Variants in RNGTT observed in about 807,000 individuals in gnomAD.
RNGTT encodes mRNA-capping enzyme.
In RNGTT, 33 loss-of-function variants were observed where a neutral mutation model predicts 79.3. The observed-to-expected ratio is 0.42, with a 90% CI of 0.32 to 0.56. The LOEUF (loss-of-function observed/expected upper bound fraction) is 0.56. Among genes scored for constraint, RNGTT ranks in the 20% least tolerant of loss-of-function variants. The pLI is 0.17. For synonymous variants in RNGTT, 222 were observed against 235.9 expected (o/e 0.94, Z 0.54); for missense variants, 497 against 739.1 (o/e 0.67, Z 3.80).
At chr6:88,791,501 T>C (rs1335294772) in intron 12 of RNGTT, among the ~76,000 whole-genome samples, 2 of 152,188 alleles carry the variant, frequency 1.3e-5, no homozygotes, top group Non-Finnish European at 2.9e-5. Context: ...ACTAATACAG[T>C]AACTAGCTAG....
chr6:88,647,291 T>C (rs1298757548), intron 14 of RNGTT, among the ~76,000 whole-genome samples: 1 of 152,156 alleles, frequency 6.6e-6, no homozygotes, highest in Non-Finnish European at 1.5e-5. Context: ...ATTATTTATT[T>C]TCAACACAAA....
intron 4 of RNGTT, 26 bp from the exon 5 acceptor site, chr6:88,906,466 A>C: frequency 6.8e-7 from 1 of 1,462,238 alleles, no homozygotes; most frequent in South Asian, 1.3e-5. Context: ...GCTTTGGTTA[A>C]AATTAACAAA....
At chr6:88,634,405 T>C (rs959579057) in intron 14 of RNGTT, among the ~76,000 whole-genome samples, 3 of 152,114 alleles carry the variant, frequency 2.0e-5, no homozygotes, top group African/African-American at 4.8e-5. Context: ...ATAATAATTT[T>C]CCACCAAATC....
intron 11 of RNGTT, among the ~76,000 whole-genome samples, chr6:88,828,015 A>C (rs1412162633): frequency 1.3e-5 from 2 of 152,146 alleles, no homozygotes. Context: ...AGAGCAGCGG[A>C]TCTCCAGCAC....
rs796776269 is a variant in RNGTT at position 88,787,668 on chromosome 6, A to C, written c.1338+13896T>G. Among the ~76,000 whole-genome samples the C allele has an allele frequency of 5.8e-4, 66 of 113,284 alleles. 1 individual carries two copies. Among genetic ancestry groups the C allele is most frequent in the African/African-American group, 1.5e-3 (47 of 31,276 alleles). 74.3% of individuals were successfully genotyped at this position (113,284 alleles called of 152,430 possible). A position where few individuals can be genotyped will look rare whatever the true frequency, so the allele number is the denominator to read the frequency against. ...GAGTGAAACTTCATTTCAAAAACAAAAAAAAAAAAGGAGTGAAGAAAAGAT... is the reference window on the plus strand; with the variant it reads ...GAGTGAAACTTCATTTCAAAAACAACAAAAAAAAAGGAGTGAAGAAAAGAT... On this transcript the variant is annotated intron_variant, in intron 12 of 15. Coordinates refer to ENST00000369485, the MANE Select transcript of RNGTT (RefSeq NM_003800.5).
chr6:88,756,207 G>C (rs951357550), intron 13 of RNGTT, among the ~76,000 whole-genome samples: 3 of 152,010 alleles, frequency 2.0e-5, no homozygotes, highest in Non-Finnish European at 4.4e-5. Context: ...GGGCTTGGTG[G>C]CTCATGTCTG....
intron 11 of RNGTT, among the ~76,000 whole-genome samples, chr6:88,812,807 G>GT (rs1249486187): frequency 5.3e-5 from 8 of 152,074 alleles, no homozygotes; most frequent in African/African-American, 1.2e-4. Flanking sequence ...ACATAAAATA[G>GT]TTTTTTTACC....
At chr6:88,765,157 A>T (rs1387933544) in intron 13 of RNGTT, among the ~76,000 whole-genome samples, 2 of 149,946 alleles carry the variant, frequency 1.3e-5, no homozygotes, top group Non-Finnish European at 3.0e-5. Context: ...CCACCACTGC[A>T]CTCCAGCCTG....
intron 4 of RNGTT, among the ~76,000 whole-genome samples, chr6:88,927,146 T>C (rs1434577311): frequency 1.3e-5 from 2 of 152,222 alleles, no homozygotes; most frequent in Admixed American, 6.5e-5. Flanking sequence ...AAACAGTAGA[T>C]ATATGAATTT....
chr6:88,953,340 TTAA>T (rs1785320155), intron 1 of RNGTT, among the ~76,000 whole-genome samples: 2 of 152,006 alleles, frequency 1.3e-5, no homozygotes, highest in African/African-American at 2.4e-5. Flanking sequence ...CTGGAAAATT[TTAA>T]TAATAGACTA....
At chr6:88,742,013 C>A (rs1582406216) in intron 13 of RNGTT, among the ~76,000 whole-genome samples, 1 of 152,148 alleles carries the variant, frequency 6.6e-6, no homozygotes, top group East Asian at 1.9e-4. Context: ...CTGAAACATA[C>A]ATACTTCATT....
chr6:88,848,089 G>GT (rs1781544184), intron 10 of RNGTT, among the ~76,000 whole-genome samples: 2 of 147,212 alleles, frequency 1.4e-5, no homozygotes, highest in South Asian at 4.2e-4. Flanking sequence ...TTCCAAACAA[G>GT]TAAAAAAAAA....
At chr6:88,824,332 T>G (rs1426137904) in intron 11 of RNGTT, among the ~76,000 whole-genome samples, 2 of 152,212 alleles carry the variant, frequency 1.3e-5, no homozygotes, top group Non-Finnish European at 2.9e-5. Context: ...CGTAGGCAAC[T>G]CTAACACACT....
At chr6:88,613,915 T>G (rs1238706526) in intron 15 of RNGTT, among the ~76,000 whole-genome samples, 1 of 152,246 alleles carries the variant, frequency 6.6e-6, no homozygotes, top group East Asian at 1.9e-4. Flanking sequence ...CCCCTGATAA[T>G]TTTGTCTTTT....
chr6:88,767,348 C>T (rs909193846), intron 13 of RNGTT, among the ~76,000 whole-genome samples: 8 of 151,836 alleles, frequency 5.3e-5, no homozygotes, highest in African/African-American at 1.7e-4. Context: ...AAAGGCAAAA[C>T]TAGGATGACA....
intron 1 of RNGTT, among the ~76,000 whole-genome samples, chr6:88,950,781 A>G (rs1020704481): frequency 2.6e-5 from 4 of 152,166 alleles, no homozygotes; most frequent in Non-Finnish European, 5.9e-5. Context: ...GCAGTGAGCC[A>G]TGATCATGCC....
chr6:88,678,652 T>C (rs1435059545), intron 13 of RNGTT, among the ~76,000 whole-genome samples: 1 of 152,152 alleles, frequency 6.6e-6, no homozygotes, highest in Admixed American at 6.5e-5. Context: ...AGTGTGGTTG[T>C]GTGTGCCTAT....
intron 14 of RNGTT, among the ~76,000 whole-genome samples, chr6:88,670,061 G>C (rs934810990): frequency 1.3e-5 from 2 of 152,236 alleles, no homozygotes; most frequent in African/African-American, 2.4e-5. Flanking sequence ...TATCAAAATA[G>C]ATTGGCCCTA....
At chr6:88,759,001 C>G (rs972674598) in intron 13 of RNGTT, among the ~76,000 whole-genome samples, 13 of 152,108 alleles carry the variant, frequency 8.5e-5, no homozygotes, top group African/African-American at 3.1e-4. Context: ...ATTATTCTCA[C>G]TAGAGCTGAT....
Sources: gnomAD v4.1 joint callset for allele counts (sites outside exome capture counted in the v4.1 genomes callset) on GRCh38, gnomAD v4.1.1 for gene constraint, MANE v1.5 for transcripts, NCBI Gene and HGNC (gene_info 2026-07-23, HGNC 2026-07-21) for gene names.